Variants in FAT4 observed in about 807,000 individuals in gnomAD.
FAT4 encodes the protein FAT atypical cadherin 4.
Under a neutral mutation model 303.9 loss-of-function variants are expected in FAT4, and 84 were observed. The ratio of observed to expected loss-of-function variants is 0.28; its 90% CI spans 0.23 to 0.33. The LOEUF is 0.33. FAT4 is among the 10% of genes least tolerant of loss of function. The probability of loss-of-function intolerance (pLI) is 1.00; values close to 1 mark genes in which losing one functional copy is unlikely to be tolerated. For synonymous variants in FAT4, 2,307 were observed against 2,298.8 expected, an observed-to-expected ratio of 1.00 and a Z score of -0.10; for missense variants, 6,005 against 6,146.8, an observed-to-expected ratio of 0.98 and a Z score of 0.77.
intron 10 of FAT4, among the ~76,000 whole-genome samples, chr4:125,457,155 A>ACACACC (rs1553928004): frequency 3.1e-3 from 383 of 124,818 alleles, no homozygotes; most frequent in Middle Eastern, 7.9e-3. Context: ...ACACACACAC[A>ACACACC]CCACTGAGTA....
intron 2 of FAT4, among the ~76,000 whole-genome samples, chr4:125,328,403 T>G (rs913590479): frequency 1.3e-5 from 2 of 152,206 alleles, no homozygotes; most frequent in East Asian, 1.9e-4. Flanking sequence ...GGCAGATAAT[T>G]TATATGTGGT....
Position 125,450,105 on chromosome 4 carries a change from G to T in FAT4, c.9095G>T (p.Gly3032Val). The T allele has an allele frequency of 6.2e-7, 1 of 1,613,788 alleles. No individual in the cohort carries two copies. The highest frequency in any genetic ancestry group is 1.1e-5 in the South Asian group (1 of 91,064). Residue 3032 changes from glycine to valine, a missense_variant, in exon 10 of 18, where the codon GGA becomes GTA. Transcript: ENST00000394329. Reference protein sequence around the residue: ...EYFISNDNHLGKFKLDNDTGW... With the variant: ...EYFISNDNHLVKFKLDNDTGW... ...TTCATTTCTAATGATAACCATTTAG[G>T]AAAATTTAAGTTGGACAATGATACG...
intron 7 of FAT4, among the ~76,000 whole-genome samples, chr4:125,425,053 A>C (rs926942333): frequency 6.6e-6 from 1 of 152,218 alleles, no homozygotes; most frequent in African/African-American, 2.4e-5. Flanking sequence ...TAAATATAAA[A>C]GTTTAGTTCT....
chr4:125,449,913 A>G lies in FAT4; in HGVS notation c.8903A>G (p.Glu2968Gly), dbSNP rs2126058765. ...SDRGKPSLIS[E>G]TTVTINIVDS... is the part of the protein sequence containing the mutation. ...CGAGGTAAACCTTCCTTAATTAGTGAGACAACAGTTACCATCAATATAGTG... is the reference window on the plus strand; with the variant it reads ...CGAGGTAAACCTTCCTTAATTAGTGGGACAACAGTTACCATCAATATAGTG... The change falls in exon 10 of 18, where the codon GAG becomes GGG. Residue 2968 changes from glutamate (E) to glycine (G), a missense_variant. Physicochemically the swap from Glu to Gly is moderately conservative, Grantham distance 98. Transcript: ENST00000394329. The G allele has an allele frequency of 1.2e-6, 2 of 1,613,952 alleles. No homozygotes were observed. Among genetic ancestry groups the G allele is most frequent in the African/African-American group, 2.7e-5 (2 of 75,026 alleles).
chr4:125,426,732 A>G (rs115648355), intron 7 of FAT4, among the ~76,000 whole-genome samples: 135 of 152,164 alleles, frequency 8.9e-4, no homozygotes, highest in Middle Eastern at 6.8e-3. Context: ...TTGAAATTTG[A>G]TAAAACAGTT....
At chr4:125,414,018 A>G (rs1734945861) in intron 5 of FAT4, among the ~76,000 whole-genome samples, 1 of 152,014 alleles carries the variant, frequency 6.6e-6, no homozygotes, top group African/African-American at 2.4e-5. Flanking sequence ...TTAGGATAAG[A>G]TATAAAAATG....
intron 2 of FAT4, among the ~76,000 whole-genome samples, chr4:125,338,139 G>A (rs1221557684): frequency 6.6e-6 from 1 of 152,086 alleles, no homozygotes; most frequent in African/African-American, 2.4e-5. Flanking sequence ...AGATAAGTTT[G>A]AGAATTTTCT....
chr4:125,410,604 T>C (rs998445752), intron 5 of FAT4, among the ~76,000 whole-genome samples: 12 of 152,142 alleles, frequency 7.9e-5, no homozygotes. Context: ...TCTTTTTGAT[T>C]TATTAGTTAT....
rs202160050 is a variant in FAT4, at chr4:125,406,951, C to T, written c.5379C>T (p.Ser1793=). 3.7e-5 allele frequency: 60 copies of T among 1,613,630 alleles called. No individual in the cohort carries two copies. Among genetic ancestry groups the T allele is most frequent in the Non-Finnish European group, 4.7e-5 (56 of 1,179,846 alleles). ...ADDSFRIDPE[S]GDLIATRRLD... ...ATAGTTTTCGCATCGACCCAGAATC[C>T]GGAGATCTGATAGCAACCAGGCGGT... The change falls in exon 4 of 18, where the codon TCC becomes TCT. Residue 1793 remains serine, a synonymous_variant. Transcript: ENST00000394329.
At position 125,451,534 on chromosome 4, in the gene FAT4, C is replaced by G. The variant is rs150438915; in HGVS notation, c.10524C>G (p.Asn3508Lys). The G allele has an allele frequency of 6.2e-7, 1 of 1,613,986 alleles. No homozygotes were observed. Among genetic ancestry groups the G allele is most frequent in the South Asian group, 1.1e-5 (1 of 91,090 alleles). The change falls in exon 10 of 18, where the codon AAC becomes AAG. Residue 3508 changes from asparagine to lysine, a missense_variant. By Grantham distance (94) the Asn-to-Lys change is moderately conservative (BLOSUM62 0). Coordinates refer to ENST00000394329, the MANE Select transcript of FAT4 (RefSeq NM_001291303.3). ...TCACCCTGGAAGATATAAATGATAA[C>G]GGGCCCATGCTGACTGTCAGTGAAG... ...LLVTLEDIND[N>K]GPMLTVSEGE... is the part of the protein sequence containing the mutation.
In FAT4 at chr4:125,491,221, C is replaced by T; in HGVS notation, c.14405C>T (p.Pro4802Leu). Residue 4802 changes from proline (P) to leucine (L), a missense_variant, in exon 18 of 18, where the codon CCT (proline) becomes CTT (leucine). Coordinates refer to ENST00000394329, the MANE Select transcript of FAT4 (RefSeq NM_001291303.3). The part of the protein sequence containing the change: ...EEVERLNTPR[P>L]RNPSICSADH... Reference sequence around the variant, plus strand: ...GTGGAGAGGCTCAACACACCTCGCCCTAGAAACCCAAGTATCTGCAGTGCA... The same window carrying T: ...GTGGAGAGGCTCAACACACCTCGCCTTAGAAACCCAAGTATCTGCAGTGCA... 6.2e-7 allele frequency: 1 copy of T among 1,614,102 alleles called. No individual in the cohort carries two copies. Among genetic ancestry groups the T allele is most frequent in the Non-Finnish European group, 8.5e-7 (1 of 1,180,034 alleles).
At chr4:125,328,149 T>C (rs1456700228) in intron 2 of FAT4, among the ~76,000 whole-genome samples, 6 of 152,228 alleles carry the variant, frequency 3.9e-5, no homozygotes, top group Non-Finnish European at 7.3e-5. Context: ...TCTAATAATT[T>C]CAAGCTTTAT....
At chr4:125,442,526 G>A (rs2126051392) in intron 8 of FAT4, among the ~76,000 whole-genome samples, 1 of 152,166 alleles carries the variant, frequency 6.6e-6, no homozygotes, top group Admixed American at 6.6e-5. Context: ...GCCACAGGTG[G>A]AAAATTCCAC....
intron 2 of FAT4, among the ~76,000 whole-genome samples, chr4:125,368,384 A>G (rs1732965641): frequency 6.6e-6 from 1 of 151,634 alleles, no homozygotes; most frequent in Non-Finnish European, 1.5e-5. Flanking sequence ...AGAAAAGCAA[A>G]CTAAAAAGAC....
At chr4:125,488,557 CTG>C (rs1187196470) in intron 17 of FAT4, among the ~76,000 whole-genome samples, 1 of 152,080 alleles carries the variant, frequency 6.6e-6, no homozygotes, top group African/African-American at 2.4e-5. Context: ...ATCAACCAAA[CTG>C]TTAGTGATTA....
At chr4:125,478,667 A>G (rs930987696) in intron 14 of FAT4, among the ~76,000 whole-genome samples, 7 of 151,960 alleles carry the variant, frequency 4.6e-5, no homozygotes, top group African/African-American at 1.7e-4. Flanking sequence ...AGTAGCTGGG[A>G]TTACAGGTGC....
chr4:125,360,691 C>T (rs1373575523), intron 2 of FAT4, among the ~76,000 whole-genome samples: 2 of 152,054 alleles, frequency 1.3e-5, no homozygotes, highest in Non-Finnish European at 2.9e-5. Flanking sequence ...TACATATGCA[C>T]TTAATTGTAG....
intron 4 of FAT4, among the ~76,000 whole-genome samples, chr4:125,407,705 T>C (rs1283632792): frequency 2.0e-5 from 3 of 152,130 alleles, no homozygotes; most frequent in African/African-American, 7.2e-5. Context: ...AGAAACTGAA[T>C]CTTTAATTAT....
Position 125,318,370 on chromosome 4 carries a change from C to T in FAT4, c.1959C>T (p.Ala653=), listed in dbSNP as rs191491571. ...CCTCCTTGGACAGAGAAGAGCAAGC[C>T]TTCTACTCCCTGTTGGTTCTGGCCA... ...TISSLDREEQ[A]FYSLLVLATD... The change falls in exon 2 of 18, where the codon GCC becomes GCT. Residue 653 remains alanine, a synonymous_variant. Transcript: ENST00000394329. 3.3e-5 allele frequency: 54 copies of T among 1,614,186 alleles called. No homozygotes were observed. The African/African-American group carries it at 5.7e-4, about 17-fold the overall frequency.
Sources: gnomAD v4.1 joint callset for allele counts (sites outside exome capture counted in the v4.1 genomes callset) on GRCh38, gnomAD v4.1.1 for gene constraint, MANE v1.5 for transcripts, NCBI Gene and HGNC (gene_info 2026-07-23, HGNC 2026-07-21) for gene names.